LARP4B: variants seen among roughly 807,000 people sequenced by gnomAD.
The protein encoded by LARP4B is la-related protein 4B.
A neutral mutation model predicts 89.8 loss-of-function variants in LARP4B; 12 were observed. The observed-to-expected ratio is 0.13, with a 90% CI of 0.09 to 0.22. LARP4B has a LOEUF of 0.22. LARP4B is among the 10% of genes least tolerant of loss of function. The pLI is 1.00. For missense variants in LARP4B, 757 were observed against 947.7 expected (o/e 0.80, Z 2.64); for synonymous variants, 367 against 363.3 (o/e 1.01, Z -0.12).
intron 11 of LARP4B, 85 bp downstream of exon 11, chr10:829,300 G>A (rs1832776587): frequency 3.5e-6 from 4 of 1,140,138 alleles, no homozygotes; most frequent in South Asian, 3.3e-5. Flanking sequence ...CACATATCTG[G>A]CTTCCTATTA....
At chr10:952,339 CAA>C in the LARP4B span, among the ~76,000 whole-genome samples, 5 of 16,952 alleles carry the variant, frequency 2.9e-4, no homozygotes, top group Admixed American at 7.4e-4. Flanking sequence ...GACTCCATCT[CAA>C]AAAAAAAAAA....
At chr10:900,407 GA>G (rs1366048275) in intron 1 of LARP4B, among the ~76,000 whole-genome samples, 7 of 131,644 alleles carry the variant, frequency 5.3e-5, no homozygotes, top group African/African-American at 2.0e-4. Flanking sequence ...TCTAGGATCG[GA>G]AAGAAGGATG....
chr10:852,303 C>G (rs565508292), intron 5 of LARP4B, among the ~76,000 whole-genome samples: 1 of 152,292 alleles, frequency 6.6e-6, no homozygotes, highest in East Asian at 1.9e-4. Flanking sequence ...TATACTGTAT[C>G]ATGATCTACA....
In LARP4B at chr10:813,210, A is replaced by G; in HGVS notation, c.1933T>C (p.Leu645=). The G allele has an allele frequency of 6.2e-7, 1 of 1,606,806 alleles. No homozygotes were observed. The highest frequency in any genetic ancestry group is 8.5e-7 in the Non-Finnish European group (1 of 1,177,118). The part of the protein sequence containing the change: ...SVQVNGAATE[L]RKPSYAEICQ... ...ATCTCTGCGTAGCTGGGCTTTCGCA[A>G]TTCCTGGAAACAGACAATCCTGGGT... Residue 645 remains leucine (L), a synonymous_variant, in exon 18 of 18, where the codon TTG becomes CTG. Coordinates refer to ENST00000316157, the MANE Select transcript of LARP4B (RefSeq NM_015155.3).
At chr10:908,693 G>A (rs1836568518) in intron 1 of LARP4B, among the ~76,000 whole-genome samples, 1 of 152,238 alleles carries the variant, frequency 6.6e-6, no homozygotes, top group Admixed American at 6.5e-5. Context: ...GTTGATTGTT[G>A]TGACGCGAAA....
In LARP4B at chr10:832,192, C is replaced by T. The variant is rs569542252; in HGVS notation, c.751-1215G>A. On this transcript the variant is annotated intron_variant, in intron 8 of 17. Transcript: ENST00000316157. ...CCAAGTAGCTGGGACTACAGGCACC[C>T]GCCACCGCGCCCGGCTAATTTTTTG... Among the ~76,000 whole-genome samples, 29 of 152,052 alleles carry T rather than the reference C, an allele frequency of 1.9e-4. No homozygotes were observed. In the South Asian group the frequency reaches 5.4e-3, roughly 28 times the overall value.
chr10:906,098 C>T (rs145651573), intron 1 of LARP4B, among the ~76,000 whole-genome samples: 25 of 152,314 alleles, frequency 1.6e-4, no homozygotes, highest in African/African-American at 5.5e-4. Flanking sequence ...TTTTCTGAGA[C>T]TTGGTCAATT....
intron 1 of LARP4B, among the ~76,000 whole-genome samples, chr10:888,348 A>AAAC (rs1564432267): frequency 6.6e-6 from 1 of 151,514 alleles, no homozygotes; most frequent in African/African-American, 2.4e-5. Context: ...AAAAAAAAAA[A>AAAC]AACACACACA....
chr10:981,844 G>A, the LARP4B span, among the ~76,000 whole-genome samples: 10 of 152,030 alleles, frequency 6.6e-5, no homozygotes, highest in Non-Finnish European at 1.2e-4. Flanking sequence ...TGGATTACAG[G>A]CATGAGCCAC....
In LARP4B at chr10:846,353, C is replaced by G. The variant is rs1271690260; in HGVS notation, c.431-1298G>C. Among the ~76,000 whole-genome samples, 3 of 152,278 alleles carry G rather than the reference C, an allele frequency of 2.0e-5. No individual in the cohort carries two copies. In the East Asian group the frequency reaches 5.8e-4, roughly 29 times the overall value. On this transcript the variant is annotated intron_variant, in intron 5 of 17. Coordinates refer to ENST00000316157, the MANE Select transcript of LARP4B (RefSeq NM_015155.3). The stretch of plus-strand genomic sequence containing the variant: ...ACATCATGTCAGAGAGAAACGGACA[C>G]TGAGGAAACAACCCAGGATGAGGGG...
the LARP4B span, among the ~76,000 whole-genome samples, chr10:984,001 T>G: frequency 6.6e-6 from 1 of 152,236 alleles, no homozygotes; most frequent in Admixed American, 6.5e-5. Context: ...GGGCTGGAAT[T>G]GAAATTTTAA....
chr10:923,914 C>A (rs986637567), intron 1 of LARP4B, among the ~76,000 whole-genome samples: 2 of 152,138 alleles, frequency 1.3e-5, no homozygotes. Flanking sequence ...AAACAACTGG[C>A]AAATATTAGC....
chr10:828,916 C>T (rs1832755490), intron 11 of LARP4B, among the ~76,000 whole-genome samples: 1 of 152,172 alleles, frequency 6.6e-6, no homozygotes, highest in African/African-American at 2.4e-5. Context: ...GAATTCCAAC[C>T]ATAGGCCTTA....
intron 1 of LARP4B, among the ~76,000 whole-genome samples, chr10:918,363 T>A (rs1179191452): frequency 6.6e-6 from 1 of 152,224 alleles, no homozygotes; most frequent in Non-Finnish European, 1.5e-5. Context: ...CCGGGGATGA[T>A]GGCACATGCC....
chr10:862,757 CAA>C (rs149027121), intron 5 of LARP4B, among the ~76,000 whole-genome samples: 1 of 137,576 alleles, frequency 7.3e-6, no homozygotes, highest in Admixed American at 7.3e-5. Flanking sequence ...GACTCCGTCT[CAA>C]AAAAAAAAAA....
At chr10:984,497 G>A in the LARP4B span, among the ~76,000 whole-genome samples, 1 of 152,162 alleles carries the variant, frequency 6.6e-6, no homozygotes, top group Non-Finnish European at 1.5e-5. Context: ...TCAACCCATA[G>A]AAACACCCCT....
intron 1 of LARP4B, among the ~76,000 whole-genome samples, chr10:892,424 T>C (rs949421170): frequency 1.3e-5 from 2 of 152,218 alleles, no homozygotes; most frequent in African/African-American, 2.4e-5. Context: ...TATTGCATGA[T>C]TAAACAGTTA....
intron 7 of LARP4B, among the ~76,000 whole-genome samples, chr10:842,501 C>T (rs951980083): frequency 2.0e-5 from 3 of 152,036 alleles, no homozygotes; most frequent in African/African-American, 7.2e-5. Flanking sequence ...TGGCCCACAA[C>T]ATAATTTTAA....
At chr10:982,810 G>C in the LARP4B span, among the ~76,000 whole-genome samples, 1 of 152,228 alleles carries the variant, frequency 6.6e-6, no homozygotes, top group Non-Finnish European at 1.5e-5. Context: ...AGTGAGCTAT[G>C]AAGATGATCA....
Sources: gnomAD v4.1 joint callset for allele counts (sites outside exome capture counted in the v4.1 genomes callset) on GRCh38, gnomAD v4.1.1 for gene constraint, MANE v1.5 for transcripts, NCBI Gene and HGNC (gene_info 2026-07-23, HGNC 2026-07-21) for gene names.